Variants in BMAL2 observed in about 807,000 individuals in gnomAD.
BMAL2 encodes basic helix-loop-helix ARNT like 2.
chr12:27,401,191 G>A, the BMAL2 span: 1 of 1,219,396 alleles, frequency 8.2e-7, no homozygotes, highest in Non-Finnish European at 1.2e-6. Flanking sequence ...CCATATGTGG[G>A]CCTACAGTCT....
At chr12:27,335,778 G>A in the BMAL2 span, among the ~76,000 whole-genome samples, 2 of 151,856 alleles carry the variant, frequency 1.3e-5, no homozygotes, top group Non-Finnish European at 2.9e-5. Flanking sequence ...AGGAGGAGAG[G>A]GGAAAGGAGG....
chr12:27,355,974 C>T, the BMAL2 span, among the ~76,000 whole-genome samples: 1 of 152,210 alleles, frequency 6.6e-6, no homozygotes, highest in South Asian at 2.1e-4. Flanking sequence ...CTTTTGAGGC[C>T]AAGGCCAGAA....
At chr12:27,365,165 G>A in the BMAL2 span, among the ~76,000 whole-genome samples, 1 of 151,772 alleles carries the variant, frequency 6.6e-6, no homozygotes, top group Admixed American at 6.6e-5. Flanking sequence ...AGAATTAAGG[G>A]TGTTCTTGTT....
At chr12:27,400,565 T>TGGTTACTTGA in the BMAL2 span, 1 of 1,613,506 alleles carries the variant, frequency 6.2e-7, no homozygotes, top group Admixed American at 1.7e-5. Context: ...TCCATTGCAC[T>TGGTTACTTGA]GGTTACTTGA....
chr12:27,405,374 C>T, the BMAL2 span, among the ~76,000 whole-genome samples: 9 of 152,220 alleles, frequency 5.9e-5, no homozygotes, highest in African/African-American at 1.4e-4. Flanking sequence ...ACACCTCACA[C>T]GGCCAGGTAC....
chr12:27,344,055 C>T, the BMAL2 span, among the ~76,000 whole-genome samples: 1 of 152,150 alleles, frequency 6.6e-6, no homozygotes, highest in African/African-American at 2.4e-5. Context: ...TGGTATAATT[C>T]ATTAGATCCC....
the BMAL2 span, chr12:27,368,429 C>G: frequency 3.1e-6 from 5 of 1,612,942 alleles, no homozygotes; most frequent in South Asian, 3.3e-5. Flanking sequence ...GAATTTGGTC[C>G]TCTAACCCAG....
the BMAL2 span, among the ~76,000 whole-genome samples, chr12:27,419,328 G>C: frequency 6.6e-6 from 1 of 152,228 alleles, no homozygotes; most frequent in East Asian, 1.9e-4. Flanking sequence ...GGAAGTCCAA[G>C]AGTATAGTGC....
chr12:27,404,365 C>T, the BMAL2 span, among the ~76,000 whole-genome samples: 2 of 151,696 alleles, frequency 1.3e-5, no homozygotes, highest in African/African-American at 4.8e-5. Flanking sequence ...TAGTGCAACC[C>T]ACAAATAGAT....
chr12:27,363,456 C>T, the BMAL2 span, among the ~76,000 whole-genome samples: 1 of 152,178 alleles, frequency 6.6e-6, no homozygotes, highest in African/African-American at 2.4e-5. Flanking sequence ...TGAGCGTTTC[C>T]ATTGCTCCTC....
At chr12:27,336,793 A>C in the BMAL2 span, among the ~76,000 whole-genome samples, 77 of 152,174 alleles carry the variant, frequency 5.1e-4, no homozygotes, top group African/African-American at 1.8e-3. Context: ...TCTACTAAAA[A>C]ATACAAAAAT....
At chr12:27,410,333 T>C in the BMAL2 span, among the ~76,000 whole-genome samples, 1 of 152,170 alleles carries the variant, frequency 6.6e-6, no homozygotes, top group Non-Finnish European at 1.5e-5. Flanking sequence ...TAGCAGAGAC[T>C]GGGAACCAAG....
chr12:27,418,445 A>T, the BMAL2 span, among the ~76,000 whole-genome samples: 1 of 151,380 alleles, frequency 6.6e-6, no homozygotes, highest in Non-Finnish European at 1.5e-5. Flanking sequence ...ACGAAAAAAA[A>T]ATTGTTTTAA....
At chr12:27,409,568 T>A in the BMAL2 span, among the ~76,000 whole-genome samples, 1 of 152,164 alleles carries the variant, frequency 6.6e-6, no homozygotes. Flanking sequence ...CTGGATCCCT[T>A]CCTTACACCT....
At chr12:27,379,671 G>T in the BMAL2 span, among the ~76,000 whole-genome samples, 1 of 152,126 alleles carries the variant, frequency 6.6e-6, no homozygotes, top group Non-Finnish European at 1.5e-5. Flanking sequence ...TGGGGCAGGG[G>T]TTGTGGAAGG....
the BMAL2 span, among the ~76,000 whole-genome samples, chr12:27,379,780 CA>C: frequency 2.7e-5 from 4 of 149,736 alleles, no homozygotes; most frequent in African/African-American, 9.8e-5. Flanking sequence ...GTAGCAAGAA[CA>C]AAAAACAACT....
At chr12:27,415,894 G>A in the BMAL2 span, 3 of 1,608,476 alleles carry the variant, frequency 1.9e-6, no homozygotes, top group South Asian at 1.1e-5. Context: ...ATACCTTGAT[G>A]ATTCGAGTCC....
chr12:27,342,119 G>C, the BMAL2 span, among the ~76,000 whole-genome samples: 14 of 152,080 alleles, frequency 9.2e-5, no homozygotes, highest in African/African-American at 3.4e-4. Context: ...TATTTTTTTA[G>C]TAGAGACGTG....
chr12:27,360,738 A>T, the BMAL2 span, among the ~76,000 whole-genome samples: 3 of 135,318 alleles, frequency 2.2e-5, no homozygotes, highest in Non-Finnish European at 4.6e-5. Context: ...AAACAAGCAA[A>T]TGTGGTTTGC....
Sources: allele counts gnomAD v4.1 joint callset (sites outside exome capture counted in the v4.1 genomes callset), GRCh38; gene constraint gnomAD v4.1.1; transcripts MANE v1.5; gene names NCBI Gene and HGNC (gene_info 2026-07-23, HGNC 2026-07-21).